Variants in FDX1 observed in about 807,000 individuals in gnomAD.
The protein encoded by FDX1 is adrenodoxin, mitochondrial.
Under a neutral mutation model 14.9 loss-of-function variants are expected in FDX1, and 9 were observed. The observed-to-expected ratio is 0.60, with a 90% confidence interval of 0.36 to 1.05. The LOEUF is 1.05. Among genes scored for constraint, FDX1 ranks in the 50% least tolerant of loss-of-function variants. FDX1 has a pLI of 0.01. For missense variants in FDX1, 204 were observed against 237.2 expected (o/e 0.86, Z 0.92); for synonymous variants, 92 against 99.4 (o/e 0.93, Z 0.44).
At chr11:110,459,192 C>T (rs1274789317) in intron 3 of FDX1, among the ~76,000 whole-genome samples, 1 of 152,190 alleles carries the variant, frequency 6.6e-6, no homozygotes, top group Non-Finnish European at 1.5e-5. Context: ...GTAATCTACA[C>T]AGAGGCCTCA....
chr11:110,447,327 G>T (rs11213407), intron 2 of FDX1, among the ~76,000 whole-genome samples: 23,345 of 144,718 alleles, frequency 0.16, 2,025 homozygotes, highest in Non-Finnish European at 0.19. Context: ...GGTGGTGCAT[G>T]CCTGTAATCC....
At chr11:110,456,541 G>T (rs1473334504) in intron 2 of FDX1, among the ~76,000 whole-genome samples, 3 of 118,934 alleles carry the variant, frequency 2.5e-5, no homozygotes, top group Non-Finnish European at 4.9e-5. Flanking sequence ...TTGAGACAGA[G>T]TCTTACTCTG....
intron 1 of FDX1, among the ~76,000 whole-genome samples, chr11:110,433,726 A>T (rs1274319137): frequency 7.8e-6 from 1 of 128,728 alleles, no homozygotes; most frequent in African/African-American, 3.2e-5. Context: ...CCTTTTGAGG[A>T]ACATTCTGGT....
At chr11:110,447,534 A>T (rs1450105395) in intron 2 of FDX1, among the ~76,000 whole-genome samples, 1 of 152,184 alleles carries the variant, frequency 6.6e-6, no homozygotes, top group African/African-American at 2.4e-5. Flanking sequence ...GCTCTGCATT[A>T]TCTGGCCCCA....
Position 110,430,231 on chromosome 11 carries a change from G to A in FDX1, c.111G>A (p.Leu37=). 1.7e-6 allele frequency: 2 copies of A among 1,208,052 alleles called. No homozygotes were observed. Among genetic ancestry groups the A allele is most frequent in the Non-Finnish European group, 2.1e-6 (2 of 972,882 alleles). The allele number at this position is 1,208,052 out of a possible 1,614,324, so 74.8% of individuals were successfully genotyped here. A position where few individuals can be genotyped will look rare whatever the true frequency, so the allele number is the denominator to read the frequency against. ...HAGSRAGSSG[L]LRNRGPGGSA... ...GGTCCCGCGCTGGATCCAGCGGCCT[G>A]CTGAGGAACCGGGGGCCGGGCGGGA... is the stretch of plus-strand genomic sequence containing the variant. The change falls in exon 1 of 4, where the codon CTG becomes CTA. Residue 37 remains leucine, a synonymous_variant. Transcript: ENST00000260270.
rs921809025 is a variant in FDX1, at chr11:110,458,029, C to T, written c.440+982C>T. The stretch of plus-strand genomic sequence containing the variant: ...GCCTGTCCTCTCACATCTTCAGTGC[C>T]GTGTTCTCTATGAGCACCTCCTTTC... On this transcript the variant is annotated intron_variant, in intron 3 of 3. Transcript: ENST00000260270. Among the ~76,000 whole-genome samples, 3 of 152,100 alleles carry T rather than the reference C, an allele frequency of 2.0e-5. No homozygotes were observed. The South Asian group carries it at 6.2e-4, about 32-fold the overall frequency.
At chr11:110,460,743 C>T (rs1248783268) in intron 3 of FDX1, among the ~76,000 whole-genome samples, 2 of 152,228 alleles carry the variant, frequency 1.3e-5, no homozygotes, top group African/African-American at 2.4e-5. Context: ...TTCTCCTGCT[C>T]ATCTTGAAGA....
chr11:110,434,882 A>G (rs1248028050), intron 1 of FDX1, among the ~76,000 whole-genome samples: 3 of 151,542 alleles, frequency 2.0e-5, no homozygotes, highest in African/African-American at 7.3e-5. Context: ...AAATACCACC[A>G]TGCCTTTTAT....
chr11:110,432,520 G>A (rs1411594881), intron 1 of FDX1, among the ~76,000 whole-genome samples: 1 of 152,114 alleles, frequency 6.6e-6, no homozygotes, highest in Non-Finnish European at 1.5e-5. Context: ...CTTCACCTGA[G>A]TGCAGTGGTG....
rs1946563153 is a variant in FDX1 at position 110,462,600 on chromosome 11, G to A, written c.*132G>A. 1.6e-5 allele frequency: 7 copies of A among 428,350 alleles called. No homozygotes were observed. The East Asian group carries it at 2.4e-4, about 14-fold the overall frequency. The allele number at this position is 428,350 out of a possible 1,614,324, so 26.5% of individuals were successfully genotyped here. On this transcript the variant is annotated 3_prime_UTR_variant, in exon 4 of 4. Transcript: ENST00000260270. ...TAGCTTTACTATTTTAATTCACCTTGCATAACTACTGAATTTTGTCATTCT... is the reference window on the plus strand; with the variant it reads ...TAGCTTTACTATTTTAATTCACCTTACATAACTACTGAATTTTGTCATTCT...
rs1439820663 is a variant in FDX1, at chr11:110,456,978, A to G, written c.371A>G (p.Tyr124Cys). ...TCHLIFEDHIYEKLDAITDEE... is the reference protein window; with the variant it reads ...TCHLIFEDHICEKLDAITDEE... ...CACCTCATCTTTGAAGATCACATAT[A>G]TGAGAAGTTAGATGCAATCACTGAT... Residue 124 changes from tyrosine (Y) to cysteine (C), a missense_variant, in exon 3 of 4, where the codon TAT becomes TGT. Transcript: ENST00000260270. The G allele has an allele frequency of 1.2e-6, 2 of 1,613,726 alleles. No individual in the cohort carries two copies. The highest frequency in any genetic ancestry group is 4.5e-5 in the East Asian group (2 of 44,864).
intron 2 of FDX1, among the ~76,000 whole-genome samples, chr11:110,451,864 C>T (rs543380274): frequency 2.0e-5 from 3 of 152,300 alleles, no homozygotes; most frequent in Admixed American, 6.5e-5. Context: ...TTCTCACTTA[C>T]GTATACCACA....
chr11:110,446,241 T>G (rs1217733210), intron 2 of FDX1, among the ~76,000 whole-genome samples: 15 of 152,182 alleles, frequency 9.9e-5, no homozygotes, highest in Admixed American at 9.8e-4. Flanking sequence ...AAGAGCTTAT[T>G]ACCACAACAT....
intron 2 of FDX1, among the ~76,000 whole-genome samples, chr11:110,453,126 C>T (rs1480420255): frequency 1.3e-5 from 2 of 152,122 alleles, no homozygotes; most frequent in Non-Finnish European, 2.9e-5. Flanking sequence ...CACCTGAGGT[C>T]AGGAGTTTGA....
intron 2 of FDX1, among the ~76,000 whole-genome samples, chr11:110,444,741 T>TAC (rs1222925667): frequency 1.9e-5 from 1 of 52,378 alleles, no homozygotes; most frequent in Non-Finnish European, 3.4e-5. Context: ...TATATATATA[T>TAC]ATACACGTAT....
rs1203874106 is a variant in FDX1, at chr11:110,462,889, A to G, written c.*421A>G. 2 of 156,386 alleles carry G rather than the reference A, an allele frequency of 1.3e-5. No individual in the cohort carries two copies. Among genetic ancestry groups the G allele is most frequent in the East Asian group, 1.8e-4 (1 of 5,430 alleles). 9.7% of individuals were successfully genotyped at this position (156,386 alleles called of 1,614,324 possible). A position where few individuals can be genotyped will look rare whatever the true frequency, so the allele number is the denominator to read the frequency against. ...CCACTAATTAGAAAATCTGTGCTAG[A>G]ACCTGTGTCTTATTCCTATAAGCTA... is the stretch of plus-strand genomic sequence containing the variant. On this transcript the variant is annotated 3_prime_UTR_variant, in exon 4 of 4. Transcript: ENST00000260270.
chr11:110,439,750 C>T (rs1050990938), intron 2 of FDX1, among the ~76,000 whole-genome samples: 16 of 152,104 alleles, frequency 1.1e-4, no homozygotes, highest in Admixed American at 3.9e-4. Flanking sequence ...AATTCTTTGC[C>T]GAGGCCAATT....
intron 2 of FDX1, among the ~76,000 whole-genome samples, chr11:110,437,938 A>T (rs991241177): frequency 6.6e-6 from 1 of 152,218 alleles, no homozygotes; most frequent in African/African-American, 2.4e-5. Context: ...CTTGAGCTGT[A>T]TCCATGTTGC....
At chr11:110,461,877 C>T (rs1327064560) in intron 3 of FDX1, among the ~76,000 whole-genome samples, 1 of 152,148 alleles carries the variant, frequency 6.6e-6, no homozygotes, top group Non-Finnish European at 1.5e-5. Flanking sequence ...AAAATATGCT[C>T]TTATAATTGA....
Sources: allele counts gnomAD v4.1 joint callset (sites outside exome capture counted in the v4.1 genomes callset), GRCh38; gene constraint gnomAD v4.1.1; transcripts MANE v1.5; gene names NCBI Gene and HGNC (gene_info 2026-07-23, HGNC 2026-07-21).